The following TGM1 variants were observed in gnomAD, a reference collection of about 807,000 sequenced individuals.
The protein encoded by TGM1 is transglutaminase 1, also known as protein-glutamine gamma-glutamyltransferase K.
A neutral mutation model predicts 88.7 loss-of-function variants in TGM1; 63 were observed. That is an observed-to-expected ratio of 0.71 (90% CI 0.58 to 0.88). TGM1 has a LOEUF of 0.88. Ranked by LOEUF, TGM1 falls within the 40% of genes least tolerant of loss-of-function variation. TGM1 has a pLI of 0.00. For missense variants in TGM1, 996 were observed against 1,118.0 expected (o/e 0.89, Z 1.56); for synonymous variants, 415 against 431.1 (o/e 0.96, Z 0.46).
Position 24,261,729 on chromosome 14 carries a change from T to C in TGM1, c.474A>G (p.Glu158=), listed in dbSNP as rs1388102038. 2 of 1,613,894 alleles carry C rather than the reference T, an allele frequency of 1.2e-6. No homozygotes were observed. Among genetic ancestry groups the C allele is most frequent in the African/African-American group, 2.7e-5 (2 of 74,874 alleles). The change falls in exon 3 of 15, where the codon GAA becomes GAG. Residue 158 remains glutamate, a synonymous_variant. Transcript: ENST00000206765. ...HMLLLLSRTY[E]SSDRITLELL... Reference sequence around the variant, plus strand: ...ACTCAAGGGTGATGCGATCAGAGGATTCATAGGTCCGGGACAGGAGGAGGA... The same window carrying C: ...ACTCAAGGGTGATGCGATCAGAGGACTCATAGGTCCGGGACAGGAGGAGGA...
In TGM1 at chr14:24,259,386, T is replaced by G. The variant is rs2040785617; in HGVS notation, c.985-137A>C. 1 of 871,288 alleles carries G rather than the reference T, an allele frequency of 1.1e-6. No homozygotes were observed. Among genetic ancestry groups the G allele is most frequent in the South Asian group, 1.4e-5 (1 of 69,524 alleles). 54.0% of individuals were successfully genotyped at this position (871,288 alleles called of 1,614,324 possible). ...ATGCCTCAGGATCCAGACACCAGCC[T>G]GAGCTCCACCCAGCCCTTCCCTCAG... On this transcript the variant is annotated intron_variant, in intron 6 of 14. Coordinates refer to ENST00000206765, the MANE Select transcript of TGM1 (RefSeq NM_000359.3). This position sits in a 1 kb window ranked among gnomAD's most constrained non-coding sequence, Gnocchi z 5.7.
At position 24,259,725 on chromosome 14, in the gene TGM1, G is replaced by A. The variant is rs760270638; in HGVS notation, c.963C>T (p.Val321=). 1.2e-6 allele frequency: 2 copies of A among 1,611,792 alleles called. No individual in the cohort carries two copies. Among genetic ancestry groups the A allele is most frequent in the Non-Finnish European group, 1.7e-6 (2 of 1,179,206 alleles). The change falls in exon 6 of 15, where the codon GTC becomes GTT. Residue 321 remains valine (V), a synonymous_variant. Coordinates refer to ENST00000206765, the MANE Select transcript of TGM1 (RefSeq NM_000359.3). The surrounding 1 kb of genome is among the most constrained non-coding windows in gnomAD (Gnocchi z 5.7). The stretch of plus-strand genomic sequence containing the variant: ...TCACCATGGCAGAGATGACCCGGGA[G>A]ACATTGACTGGGTCTCCACGGCCTC... The part of the protein sequence containing the change: ...PYGGRGDPVN[V]SRVISAMVNS...
At position 24,255,072 on chromosome 14, in the gene TGM1, T is replaced by C. The variant is rs564390872; in HGVS notation, c.1827A>G (p.Thr609=). 1 of 1,614,174 alleles carries C rather than the reference T, an allele frequency of 6.2e-7. No individual in the cohort carries two copies. The highest frequency in any genetic ancestry group is 2.2e-5 in the East Asian group (1 of 44,884). ...MLINHSSSRR[T]VKLHLYLSVT... is the part of the protein sequence containing the mutation. Reference sequence around the variant, plus strand: ...CTGAGAGGTAGAGGTGCAGTTTCACTGTGCGGCGGCTGCTGCTGTGATTGA... The same window carrying C: ...CTGAGAGGTAGAGGTGCAGTTTCACCGTGCGGCGGCTGCTGCTGTGATTGA... The change falls in exon 12 of 15, where the codon ACA becomes ACG. Residue 609 remains threonine, a synonymous_variant. Transcript: ENST00000206765. This position sits in a 1 kb window ranked among gnomAD's most constrained non-coding sequence, Gnocchi z 4.0.
At chr14:24,256,771 C>T (rs138953439) in intron 9 of TGM1, among the ~76,000 whole-genome samples, 7 of 152,208 alleles carry the variant, frequency 4.6e-5, no homozygotes, top group South Asian at 4.2e-4. Flanking sequence ...CCTTTACAGA[C>T]GGGGAAACAG....
rs1156619070 is a variant in TGM1, at chr14:24,259,330, C to A, written c.985-81G>T. 18 of 1,408,324 alleles carry A rather than the reference C, an allele frequency of 1.3e-5. No homozygotes were observed. The highest frequency in any genetic ancestry group is 6.1e-5 in the South Asian group (5 of 81,358). The allele number at this position is 1,408,324 out of a possible 1,614,324, so 87.2% of individuals were successfully genotyped here. On this transcript the variant is annotated intron_variant, in intron 6 of 14. Coordinates refer to ENST00000206765, the MANE Select transcript of TGM1 (RefSeq NM_000359.3). This position sits in a 1 kb window ranked among gnomAD's most constrained non-coding sequence, Gnocchi z 5.7. The stretch of plus-strand genomic sequence containing the variant: ...ATGTGGTCCATGGGGACCAGCCGGG[C>A]CCCGATCCTGCAACCACCCCTTACC...
chr14:24,254,867 C>T (rs2040734812), intron 12 of TGM1, 43 bp from the exon 13 acceptor site: 1 of 1,613,140 alleles, frequency 6.2e-7, no homozygotes, highest in Non-Finnish European at 8.5e-7. Flanking sequence ...TGCTTCCCTA[C>T]ATGAGGCTTC....
chr14:24,255,826 T>C lies in TGM1; in HGVS notation c.1491+163A>G, dbSNP rs757839019. 3.3e-5 allele frequency among the ~76,000 whole-genome samples: 5 copies of C among 152,092 alleles called. No homozygotes were observed. The highest frequency in any genetic ancestry group is 7.4e-5 in the Non-Finnish European group (5 of 68,006). ...CCGTTATCTCTTCTGATCCCGAGTA[T>C]AGGAAGCAAGGCAGCCTTGATTATC... On this transcript the variant is annotated intron_variant, in intron 10 of 14. Coordinates refer to ENST00000206765, the MANE Select transcript of TGM1 (RefSeq NM_000359.3). The surrounding 1 kb of genome is among the most constrained non-coding windows in gnomAD (Gnocchi z 4.0).
Position 24,261,864 on chromosome 14 carries a change from G to A in TGM1, c.339C>T (p.Asn113=), listed in dbSNP as rs144651432. The change falls in exon 3 of 15, where the codon AAC becomes AAT. Residue 113 remains asparagine, a synonymous_variant. Coordinates refer to ENST00000206765, the MANE Select transcript of TGM1 (RefSeq NM_000359.3). ...AGCGCGAGCTCAGCAAGTCCACACCGTTCACTACTAGCATGCCCTCTGCAA... is the reference window on the plus strand; with the variant it reads ...AGCGCGAGCTCAGCAAGTCCACACCATTCACTACTAGCATGCCCTCTGCAA... The part of the protein sequence containing the change: ...GTIREGMLVV[N]GVDLLSSRSD... 7.5e-5 allele frequency: 121 copies of A among 1,613,560 alleles called. 2 individuals carry two copies. Among genetic ancestry groups the A allele is most frequent in the African/African-American group, 5.3e-5 (4 of 74,904 alleles).
At chr14:24,258,492 G>T (rs745359196) in intron 8 of TGM1, 43 bp downstream of exon 8, 6 of 1,613,098 alleles carry the variant, frequency 3.7e-6, no homozygotes, top group Non-Finnish European at 2.5e-6. Context: ...CAAAGCTCAG[G>T]TCACCATTCT....
chr14:24,255,246 G>T lies in TGM1; in HGVS notation c.1653C>A (p.Asp551Glu). The T allele has an allele frequency of 1.2e-6, 2 of 1,613,816 alleles. No homozygotes were observed. The highest frequency in any genetic ancestry group is 1.7e-6 in the Non-Finnish European group (2 of 1,180,046). ...CTGTCTCTACTGCCTTCCGCTCTGC[G>T]TCTGAGCCTGGGGGTTGAGGGTCAA... ...TYLYKHPEGS[D>E]AERKAVETAA... Residue 551 changes from aspartate to glutamate, a missense_variant, in exon 12 of 15, where the codon GAC becomes GAA. Transcript: ENST00000206765. This position sits in a 1 kb window ranked among gnomAD's most constrained non-coding sequence, Gnocchi z 4.0.
At position 24,260,048 on chromosome 14, in the gene TGM1, C is replaced by G. The variant is rs1458517318; in HGVS notation, c.768G>C (p.Val256=). 6.2e-7 allele frequency: 1 copy of G among 1,614,086 alleles called. No homozygotes were observed. Among genetic ancestry groups the G allele is most frequent in the South Asian group, 1.1e-5 (1 of 91,084 alleles). The change falls in exon 5 of 15, where the codon GTG becomes GTC. Residue 256 remains valine, a synonymous_variant. Transcript: ENST00000206765. ...GCCGCCAATCCTCATGGTCCACGTA[C>G]ACAATGTCCTCTGTGTCCCCAGAAC... The part of the protein sequence containing the change: ...LFNPWCPEDI[V]YVDHEDWRQE...
Position 24,259,917 on chromosome 14 carries a change from G to A in TGM1, c.876+23C>T. On this transcript the variant is annotated intron_variant, in intron 5 of 14. Coordinates refer to ENST00000206765, the MANE Select transcript of TGM1 (RefSeq NM_000359.3). This position sits in a 1 kb window ranked among gnomAD's most constrained non-coding sequence, Gnocchi z 5.7. ...CACCCCAGCTCCTCTGGGTGTATGTGACCCTGGCCAGCCGCACCATACCTG... is the reference window on the plus strand; with the variant it reads ...CACCCCAGCTCCTCTGGGTGTATGTAACCCTGGCCAGCCGCACCATACCTG... 6.2e-7 allele frequency: 1 copy of A among 1,612,318 alleles called. No individual in the cohort carries two copies. Among genetic ancestry groups the A allele is most frequent in the Non-Finnish European group, 8.5e-7 (1 of 1,178,454 alleles).
rs767241210 is a variant in TGM1 at position 24,249,536 on chromosome 14, A to G, written c.2231T>C (p.Ile744Thr). Residue 744 changes from isoleucine (I) to threonine (T), a missense_variant, in exon 15 of 15, where the codon ATT (isoleucine) becomes ACT (threonine). Physicochemically the swap from Ile to Thr is moderately conservative, Grantham distance 89. Transcript: ENST00000206765. ...QRPKILNVGD[I>T]GGNETVTLRQ... is the part of the protein sequence containing the mutation. Reference sequence around the variant, plus strand: ...CAGTGTCACTGTTTCATTGCCTCCAATGTCCCTGTGGGCAGAGACAAGGTC... The same window carrying G: ...CAGTGTCACTGTTTCATTGCCTCCAGTGTCCCTGTGGGCAGAGACAAGGTC... 7.4e-6 allele frequency: 12 copies of G among 1,613,558 alleles called. No individual in the cohort carries two copies. Among genetic ancestry groups the G allele is most frequent in the Admixed American group, 1.7e-5 (1 of 59,954 alleles).
rs1229690070 is a variant in TGM1 at position 24,262,071 on chromosome 14, GC to G, written c.281del (p.Gly94AlafsTer17). ...CATCTCCAGCTGCATTGACACCGCT[GC>G]CCCGGGATACAGGCCGGCGGGAGTC... Reference protein sequence around the residue: ...GSDSRRPVSRGSGVNAAGDGT... With the variant: ...GSDSRRPVSRXSGVNAAGDGT... On this transcript the variant is annotated frameshift_variant, in exon 2 of 15. Transcript: ENST00000206765. LOFTEE classifies it high-confidence loss of function. The G allele has an allele frequency of 1.5e-5, 24 of 1,613,698 alleles. No individual in the cohort carries two copies. The highest frequency in any genetic ancestry group is 2.0e-5 in the Non-Finnish European group (24 of 1,180,032).
In TGM1 at chr14:24,258,724, G is replaced by T. The variant is rs762546943; in HGVS notation, c.1160-51C>A. On this transcript the variant is annotated intron_variant, in intron 7 of 14. Transcript: ENST00000206765. Reference sequence around the variant, plus strand: ...CAAGGCATGGGTTGGGGGCAAGTGAGGCATCGTGTCAGGAGTATCAGGGGG... The same window carrying T: ...CAAGGCATGGGTTGGGGGCAAGTGATGCATCGTGTCAGGAGTATCAGGGGG... The T allele has an allele frequency of 3.7e-6, 6 of 1,608,842 alleles. 1 individual carries two copies. The South Asian group carries it at 6.6e-5, about 18-fold the overall frequency.
Position 24,255,382 on chromosome 14 carries a change from G to A in TGM1, c.1627C>T (p.Leu543Phe). 6.2e-7 allele frequency: 1 copy of A among 1,614,196 alleles called. No homozygotes were observed. Among genetic ancestry groups the A allele is most frequent in the Non-Finnish European group, 8.5e-7 (1 of 1,180,038 alleles). The change falls in exon 11 of 15, where the codon CTC (leucine) becomes TTC (phenylalanine). Residue 543 changes from leucine to phenylalanine, a missense_variant. Leu to Phe is a conservative substitution (Grantham distance 22, BLOSUM62 0). Transcript: ENST00000206765. The surrounding 1 kb of genome is among the most constrained non-coding windows in gnomAD (Gnocchi z 4.0). ...SSNMREDITY[L>F]YKHPEGSDAE... ...ATGGTACCTTCTGGGTGCTTATAGA[G>A]GTAGGTGATGTCCTCCCGCATGTTG...
chr14:24,251,207 T>C (rs2040698558), intron 14 of TGM1, among the ~76,000 whole-genome samples: 1 of 152,200 alleles, frequency 6.6e-6, no homozygotes, highest in Admixed American at 6.5e-5. Flanking sequence ...GAACGTAGTA[T>C]GATAGGAAGT....
chr14:24,254,314 C>T, intron 13 of TGM1, 26 bp from the exon 14 acceptor site: 12 of 1,613,870 alleles, frequency 7.4e-6, no homozygotes, highest in Non-Finnish European at 1.0e-5. Context: ...GCCCATCCCC[C>T]ACGTCAGAGA....
intron 14 of TGM1, among the ~76,000 whole-genome samples, chr14:24,253,018 C>T (rs960412438): frequency 1.3e-5 from 2 of 152,200 alleles, no homozygotes; most frequent in Admixed American, 6.5e-5. Context: ...CAGGATCAGG[C>T]CCAGACGGGC....
Sources: gnomAD v4.1 joint callset for allele counts (sites outside exome capture counted in the v4.1 genomes callset) on GRCh38, gnomAD v4.1.1 for gene constraint, Gnocchi (gnomAD v3.1) non-coding constraint, MANE v1.5 for transcripts, NCBI Gene and HGNC (gene_info 2026-07-23, HGNC 2026-07-21) for gene names.